The following STXBP5L variants were observed in gnomAD, a reference collection of about 807,000 sequenced individuals.
STXBP5L encodes the protein syntaxin-binding protein 5-like.
A neutral mutation model predicts 144.5 loss-of-function variants in STXBP5L; 65 were observed. That is an observed-to-expected ratio of 0.45 (90% CI 0.37 to 0.55). STXBP5L has a LOEUF of 0.55. Ranked by LOEUF, STXBP5L falls within the 20% of genes least tolerant of loss-of-function variation. The pLI is 0.00. For synonymous variants in STXBP5L, 505 were observed against 469.6 expected (o/e 1.08, Z -0.97); for missense variants, 1,298 against 1,405.5 (o/e 0.92, Z 1.22).
chr3:121,223,033 G>C lies in STXBP5L; in HGVS notation c.987G>C (p.Leu329=). 2 of 1,611,548 alleles carry C rather than the reference G, an allele frequency of 1.2e-6. No homozygotes were observed. The highest frequency in any genetic ancestry group is 1.7e-6 in the Non-Finnish European group (2 of 1,179,118). ...SEPFIIFSGG[L]SYDKACRRPS... is the part of the protein sequence containing the mutation. ...CATTCATAATATTCTCTGGTGGGCTGTCCTATGACAAAGCTTGTAGAAGAC... is the reference window on the plus strand; with the variant it reads ...CATTCATAATATTCTCTGGTGGGCTCTCCTATGACAAAGCTTGTAGAAGAC... The change falls in exon 11 of 27, where the codon CTG becomes CTC. Residue 329 remains leucine, a synonymous_variant. Transcript: ENST00000471454.
chr3:120,962,112 G>A (rs866540654), intron 3 of STXBP5L, among the ~76,000 whole-genome samples: 30 of 151,352 alleles, frequency 2.0e-4, no homozygotes, highest in Non-Finnish European at 3.7e-4. Flanking sequence ...CCCACTTTTC[G>A]ATGGGGTTGT....
At chr3:121,346,476 A>T (rs1464313450) in intron 20 of STXBP5L, among the ~76,000 whole-genome samples, 1 of 152,118 alleles carries the variant, frequency 6.6e-6, no homozygotes, top group Non-Finnish European at 1.5e-5. Context: ...CAGTAATGGG[A>T]TGGCTGGGTC....
chr3:121,264,128 C>G (rs113066749), intron 18 of STXBP5L, among the ~76,000 whole-genome samples: 18,308 of 152,172 alleles, frequency 0.12, 1,160 homozygotes, highest in Non-Finnish European at 0.14. Context: ...AGAAACCTTA[C>G]AAGCCAGAAG....
intron 3 of STXBP5L, among the ~76,000 whole-genome samples, chr3:120,994,285 C>T (rs1409297084): frequency 6.6e-6 from 1 of 151,874 alleles, no homozygotes; most frequent in African/African-American, 2.4e-5. Flanking sequence ...TTATTTTTTT[C>T]TCCTGCCTAA....
intron 3 of STXBP5L, among the ~76,000 whole-genome samples, chr3:121,039,044 G>C (rs569104147): frequency 6.6e-6 from 1 of 151,736 alleles, no homozygotes; most frequent in East Asian, 1.9e-4. Flanking sequence ...CTGCATTTTT[G>C]TCTTTTCTCA....
At chr3:120,927,505 G>C (rs1425106167) in intron 2 of STXBP5L, among the ~76,000 whole-genome samples, 2 of 152,168 alleles carry the variant, frequency 1.3e-5, no homozygotes, top group Non-Finnish European at 2.9e-5. Flanking sequence ...GTAGAGACAG[G>C]GCTCCTGTTA....
At chr3:121,104,983 A>G (rs947087415) in intron 5 of STXBP5L, among the ~76,000 whole-genome samples, 2 of 152,228 alleles carry the variant, frequency 1.3e-5, no homozygotes, top group Admixed American at 6.5e-5. Flanking sequence ...CAACCTATGC[A>G]TCTGACAACG....
chr3:120,968,631 T>G (rs1005805697), intron 3 of STXBP5L, among the ~76,000 whole-genome samples: 1 of 152,124 alleles, frequency 6.6e-6, no homozygotes, highest in Non-Finnish European at 1.5e-5. Flanking sequence ...ATAGATAAGT[T>G]TTTTAGTGGT....
chr3:121,082,391 C>T (rs1466938960), intron 5 of STXBP5L, among the ~76,000 whole-genome samples: 2 of 151,942 alleles, frequency 1.3e-5, no homozygotes, highest in Admixed American at 6.6e-5. Flanking sequence ...TTTTGTTTGG[C>T]ACATGTTCAT....
chr3:120,991,366 C>T (rs1025737586), intron 3 of STXBP5L, among the ~76,000 whole-genome samples: 2 of 151,544 alleles, frequency 1.3e-5, no homozygotes, highest in African/African-American at 4.9e-5. Context: ...AATAGGAACA[C>T]TTTTACAGTG....
chr3:121,043,607 G>T (rs2107558066), intron 4 of STXBP5L, among the ~76,000 whole-genome samples: 1 of 152,238 alleles, frequency 6.6e-6, no homozygotes, highest in East Asian at 1.9e-4. Context: ...TACTCAGGAG[G>T]CTGAGGCAGA....
chr3:121,065,889 G>T (rs1045659000), intron 5 of STXBP5L, among the ~76,000 whole-genome samples: 13 of 152,236 alleles, frequency 8.5e-5, no homozygotes, highest in South Asian at 8.3e-4. Flanking sequence ...TTGTTGGATT[G>T]AGGGCCTCAA....
intron 20 of STXBP5L, among the ~76,000 whole-genome samples, chr3:121,352,358 T>C (rs1346649649): frequency 1.3e-5 from 2 of 152,136 alleles, no homozygotes; most frequent in African/African-American, 2.4e-5. Context: ...CTTTATTTCA[T>C]TGAGCAGTGG....
chr3:121,072,588 C>T (rs929819741), intron 5 of STXBP5L, among the ~76,000 whole-genome samples: 4 of 152,232 alleles, frequency 2.6e-5, no homozygotes, highest in East Asian at 1.9e-4. Flanking sequence ...CCTGCTCAAA[C>T]GAAGCCTTTT....
At chr3:121,345,531 G>A (rs1461220872) in intron 20 of STXBP5L, among the ~76,000 whole-genome samples, 1 of 152,014 alleles carries the variant, frequency 6.6e-6, no homozygotes, top group Non-Finnish European at 1.5e-5. Flanking sequence ...CCCAGTAATG[G>A]GATTGCTGGG....
Position 121,152,572 on chromosome 3 carries a change from C to T in STXBP5L, c.753+12C>T. 1.3e-6 allele frequency: 2 copies of T among 1,569,846 alleles called. No homozygotes were observed. Among genetic ancestry groups the T allele is most frequent in the Non-Finnish European group, 1.7e-6 (2 of 1,148,860 alleles). ...TTTATTATGATGAGGTAAGTGATTT[C>T]TACCGACATGTTTGAAAGAGTATTG... On this transcript the variant is annotated intron_variant, in intron 8 of 26. Transcript: ENST00000471454.
At chr3:121,402,167 G>T (rs2046893597) in intron 22 of STXBP5L, among the ~76,000 whole-genome samples, 1 of 152,256 alleles carries the variant, frequency 6.6e-6, no homozygotes, top group South Asian at 2.1e-4. Context: ...GGAGTAGTCA[G>T]GAAGTTAATA....
intron 18 of STXBP5L, among the ~76,000 whole-genome samples, chr3:121,267,547 A>G (rs1005490555): frequency 2.6e-5 from 4 of 152,224 alleles, no homozygotes; most frequent in Non-Finnish European, 5.9e-5. Context: ...TAACAAAGCC[A>G]AAATTGACAA....
At chr3:121,031,251 T>C (rs1315051169) in intron 3 of STXBP5L, among the ~76,000 whole-genome samples, 2 of 151,904 alleles carry the variant, frequency 1.3e-5, no homozygotes, top group African/African-American at 2.4e-5. Context: ...TTGTGGAAAA[T>C]AGGTTGGAAG....
Sources: allele counts gnomAD v4.1 joint callset (sites outside exome capture counted in the v4.1 genomes callset), GRCh38; gene constraint gnomAD v4.1.1; transcripts MANE v1.5; gene names NCBI Gene and HGNC (gene_info 2026-07-23, HGNC 2026-07-21).